GRIN2A: variants seen among roughly 807,000 people sequenced by gnomAD.
GRIN2A encodes the protein glutamate ionotropic receptor NMDA type subunit 2A, also known as glutamate receptor ionotropic, NMDA 2A.
In GRIN2A, 22 loss-of-function variants were observed where a neutral mutation model predicts 113.4. The ratio of observed to expected loss-of-function variants is 0.19; its 90% CI spans 0.14 to 0.28. The LOEUF is 0.28. Among genes scored for constraint, GRIN2A ranks in the 10% least tolerant of loss-of-function variants. The pLI, the probability that GRIN2A is intolerant of heterozygous loss-of-function variation, is 1.00. For missense variants in GRIN2A, 1,502 were observed against 1,887.0 expected, an observed-to-expected ratio of 0.80 and a Z score of 3.78; for synonymous variants, 827 against 738.4, an observed-to-expected ratio of 1.12 and a Z score of -1.94.
At chr16:10,039,022 G>A (rs866339388) in intron 2 of GRIN2A, among the ~76,000 whole-genome samples, 2 of 151,914 alleles carry the variant, frequency 1.3e-5, no homozygotes, top group African/African-American at 4.8e-5. Context: ...AATTCACTGC[G>A]TGTTTACTTT....
chr16:9,899,167 G>A (rs572774851), intron 3 of GRIN2A, among the ~76,000 whole-genome samples: 3 of 152,090 alleles, frequency 2.0e-5, no homozygotes, highest in East Asian at 3.9e-4. Flanking sequence ...GGCCAGGCGC[G>A]GTGGCTCGCA....
At chr16:10,080,159 C>G (rs1454000225) in intron 2 of GRIN2A, among the ~76,000 whole-genome samples, 1 of 152,184 alleles carries the variant, frequency 6.6e-6, no homozygotes, top group Non-Finnish European at 1.5e-5. Flanking sequence ...AGAGTATATT[C>G]AGGGCTTAGC....
intron 2 of GRIN2A, among the ~76,000 whole-genome samples, chr16:9,973,761 G>A (rs2045719695): frequency 6.6e-6 from 1 of 152,038 alleles, no homozygotes; most frequent in African/African-American, 2.4e-5. Context: ...GAAGACAGTG[G>A]AATAATGTCT....
At chr16:9,965,829 A>C (rs1209088601) in intron 2 of GRIN2A, among the ~76,000 whole-genome samples, 1 of 152,180 alleles carries the variant, frequency 6.6e-6, no homozygotes, top group Non-Finnish European at 1.5e-5. Flanking sequence ...AAACACAGCC[A>C]AGCCCTTTCC....
intron 3 of GRIN2A, among the ~76,000 whole-genome samples, chr16:9,919,231 G>A (rs1226094879): frequency 6.6e-6 from 1 of 152,152 alleles, no homozygotes; most frequent in African/African-American, 2.4e-5. Flanking sequence ...TTCAGATAAA[G>A]TCAGATCATG....
chr16:10,141,403 G>C (rs891346473), intron 2 of GRIN2A, among the ~76,000 whole-genome samples: 2 of 152,126 alleles, frequency 1.3e-5, no homozygotes, highest in African/African-American at 4.8e-5. Context: ...CAAAAGTATT[G>C]CTTGAGCCCG....
chr16:10,179,546 A>C (rs1431097848), intron 2 of GRIN2A: 1 of 179,890 alleles, frequency 5.6e-6, no homozygotes, highest in African/African-American at 2.4e-5. Flanking sequence ...TTTTAGAAAT[A>C]GTTTTAGTCA....
chr16:10,057,188 T>C (rs543400640), intron 2 of GRIN2A, among the ~76,000 whole-genome samples: 1 of 152,218 alleles, frequency 6.6e-6, no homozygotes, highest in East Asian at 1.9e-4. Flanking sequence ...AAGTGTACAA[T>C]GGCGACAACA....
intron 2 of GRIN2A, among the ~76,000 whole-genome samples, chr16:9,993,347 C>T (rs201200525): frequency 1.3e-5 from 2 of 151,974 alleles, no homozygotes; most frequent in South Asian, 2.1e-4. Flanking sequence ...GCCAGGAGTT[C>T]GAGACTAGTC....
intron 2 of GRIN2A, among the ~76,000 whole-genome samples, chr16:10,164,477 G>A (rs1269651319): frequency 6.6e-6 from 1 of 152,202 alleles, no homozygotes; most frequent in Non-Finnish European, 1.5e-5. Context: ...ACACGAACAT[G>A]ACTCCAGCCC....
chr16:9,890,666 C>T lies in GRIN2A; in HGVS notation c.1122+320G>A, dbSNP rs9931155. ...AGGCAAACTTCTATGATCATTGCTA[C>T]ATAGTCAACACTTATTAGTGTAATG... On this transcript the variant is annotated intron_variant, in intron 4 of 12. Transcript: ENST00000330684. 0.32 allele frequency among the ~76,000 whole-genome samples: 49,110 copies of T among 152,088 alleles called. 10,002 individuals carry two copies. The highest frequency in any genetic ancestry group is 0.58 in the African/African-American group (24,017 of 41,468).
intron 2 of GRIN2A, among the ~76,000 whole-genome samples, chr16:10,151,699 T>C (rs1296286783): frequency 6.6e-6 from 1 of 152,198 alleles, no homozygotes; most frequent in Non-Finnish European, 1.5e-5. Context: ...ACCACTACCA[T>C]CTTGTGTTTG....
intron 2 of GRIN2A, among the ~76,000 whole-genome samples, chr16:10,105,489 T>C (rs1293264108): frequency 8.5e-6 from 1 of 117,332 alleles, no homozygotes; most frequent in East Asian, 5.7e-4. Flanking sequence ...AAGAAAACCA[T>C]GTAAAAAAAA....
chr16:10,062,190 A>G (rs936761527), intron 2 of GRIN2A, among the ~76,000 whole-genome samples: 7 of 152,186 alleles, frequency 4.6e-5, no homozygotes, highest in Non-Finnish European at 8.8e-5. Flanking sequence ...TACCTAAGGC[A>G]GGAGTTGATA....
At chr16:10,015,416 C>CGTCT (rs1288698041) in intron 2 of GRIN2A, among the ~76,000 whole-genome samples, 1 of 151,866 alleles carries the variant, frequency 6.6e-6, no homozygotes, top group Non-Finnish European at 1.5e-5. Flanking sequence ...GTACAGAGAC[C>CGTCT]TGTGGCCTAC....
At chr16:10,097,340 G>A (rs146446171) in intron 2 of GRIN2A, among the ~76,000 whole-genome samples, 1 of 152,208 alleles carries the variant, frequency 6.6e-6, no homozygotes, top group Non-Finnish European at 1.5e-5. Context: ...TAATCGTAGA[G>A]ATGTTTGAAG....
chr16:9,845,833 C>G (rs921598755), intron 5 of GRIN2A, among the ~76,000 whole-genome samples: 1 of 152,188 alleles, frequency 6.6e-6, no homozygotes, highest in Non-Finnish European at 1.5e-5. Context: ...CTGTTCATCA[C>G]AAGGTTTATT....
At chr16:10,050,951 G>C (rs1434432907) in intron 2 of GRIN2A, among the ~76,000 whole-genome samples, 3 of 152,174 alleles carry the variant, frequency 2.0e-5, no homozygotes, top group Non-Finnish European at 4.4e-5. Flanking sequence ...TTTAAGCTAA[G>C]AAGTTCATGG....
At chr16:9,911,402 C>T (rs113324365) in intron 3 of GRIN2A, among the ~76,000 whole-genome samples, 98 of 152,320 alleles carry the variant, frequency 6.4e-4, no homozygotes, top group African/African-American at 2.0e-3. Flanking sequence ...GCTCTGGAGC[C>T]AGAAAACCTT....
Sources: allele counts gnomAD v4.1 joint callset (sites outside exome capture counted in the v4.1 genomes callset), GRCh38; gene constraint gnomAD v4.1.1; transcripts MANE v1.5; gene names NCBI Gene and HGNC (gene_info 2026-07-23, HGNC 2026-07-21).